RUNDC3B: variants seen among roughly 807,000 people sequenced by gnomAD.
RUNDC3B encodes RUN domain containing 3B, also known as RUN domain-containing protein 3B.
In RUNDC3B, 33 loss-of-function variants were observed where a neutral mutation model predicts 58.4. That is an observed-to-expected ratio of 0.56 (90% CI 0.43 to 0.75). The LOEUF is 0.75. Among genes scored for constraint, RUNDC3B ranks in the 30% least tolerant of loss-of-function variants. RUNDC3B has a pLI of 0.00. For synonymous variants in RUNDC3B, 193 were observed against 195.2 expected (o/e 0.99, Z 0.10); for missense variants, 501 against 535.7 (o/e 0.94, Z 0.64).
At chr7:87,723,278 A>G (rs1303547155) in intron 4 of RUNDC3B, among the ~76,000 whole-genome samples, 1 of 152,198 alleles carries the variant, frequency 6.6e-6, no homozygotes, top group Non-Finnish European at 1.5e-5. Flanking sequence ...TATAATCACA[A>G]TAGAATAAAG....
At chr7:87,698,318 T>G (rs972767666) in intron 2 of RUNDC3B, among the ~76,000 whole-genome samples, 8 of 152,050 alleles carry the variant, frequency 5.3e-5, no homozygotes, top group Non-Finnish European at 1.0e-4. Flanking sequence ...GCCAGGATGG[T>G]CTCCTGACCA....
At chr7:87,685,306 T>C (rs1264981736) in intron 2 of RUNDC3B, among the ~76,000 whole-genome samples, 1 of 152,160 alleles carries the variant, frequency 6.6e-6, no homozygotes, top group African/African-American at 2.4e-5. Flanking sequence ...TCAAAGAAGA[T>C]ACACATATGG....
intron 5 of RUNDC3B, among the ~76,000 whole-genome samples, chr7:87,740,313 CTTATG>C (rs1832242582): frequency 6.6e-6 from 1 of 151,600 alleles, no homozygotes; most frequent in Admixed American, 6.6e-5. Context: ...TCTTACGTCT[CTTATG>C]TTATGTATGG....
At chr7:87,657,547 C>T (rs1182439181) in intron 2 of RUNDC3B, among the ~76,000 whole-genome samples, 1 of 152,288 alleles carries the variant, frequency 6.6e-6, no homozygotes, top group Non-Finnish European at 1.5e-5. Flanking sequence ...GATTTCTTCC[C>T]TCTTGGCTGG....
intron 6 of RUNDC3B, among the ~76,000 whole-genome samples, chr7:87,748,282 C>T (rs1441794915): frequency 3.9e-5 from 6 of 152,136 alleles, no homozygotes; most frequent in Admixed American, 1.3e-4. Context: ...TTGGGAGAGG[C>T]GGGGTTCTCC....
At chr7:87,738,745 G>A (rs1832139629) in intron 4 of RUNDC3B, among the ~76,000 whole-genome samples, 1 of 151,802 alleles carries the variant, frequency 6.6e-6, no homozygotes, top group African/African-American at 2.4e-5. Context: ...GATTCCTTCT[G>A]CCTTTAATTT....
intron 2 of RUNDC3B, among the ~76,000 whole-genome samples, chr7:87,691,714 C>T (rs1245648789): frequency 6.6e-6 from 1 of 152,136 alleles, no homozygotes; most frequent in African/African-American, 2.4e-5. Context: ...ACATGTTTCA[C>T]TACCTCATGT....
At chr7:87,631,396 T>C (rs1000092742) in intron 1 of RUNDC3B, among the ~76,000 whole-genome samples, 3 of 152,208 alleles carry the variant, frequency 2.0e-5, no homozygotes, top group African/African-American at 7.2e-5. Context: ...TAATTTTTTA[T>C]TTATTTATTT....
At chr7:87,662,526 A>G (rs1270457942) in intron 2 of RUNDC3B, among the ~76,000 whole-genome samples, 1 of 151,988 alleles carries the variant, frequency 6.6e-6, no homozygotes. Flanking sequence ...TCCCCAATAT[A>G]CATTTTCAGA....
intron 3 of RUNDC3B, among the ~76,000 whole-genome samples, chr7:87,700,874 G>A (rs1016801249): frequency 1.3e-5 from 2 of 152,150 alleles, no homozygotes; most frequent in Non-Finnish European, 2.9e-5. Flanking sequence ...ACACAATGGT[G>A]GATAAAACTG....
At chr7:87,697,863 A>G (rs1369838703) in intron 2 of RUNDC3B, among the ~76,000 whole-genome samples, 1 of 152,174 alleles carries the variant, frequency 6.6e-6, no homozygotes, top group Non-Finnish European at 1.5e-5. Context: ...GATCTAGTTC[A>G]GGTCCACCGG....
chr7:87,628,423 G>C lies in RUNDC3B; in HGVS notation c.-401G>C, dbSNP rs879765641. 1 of 162,188 alleles carries C rather than the reference G, an allele frequency of 6.2e-6. No individual in the cohort carries two copies. The highest frequency in any genetic ancestry group is 2.0e-4 in the South Asian group (1 of 4,924). 10.0% of individuals were successfully genotyped at this position (162,188 alleles called of 1,614,324 possible). ...GCCGCTGCCTCCCGGGCTGGGGCAC[G>C]AGTGGCTGCGGAGTGTGGGTGGTTG... On this transcript the variant is annotated 5_prime_UTR_variant, in exon 1 of 11. Coordinates refer to ENST00000394654, the MANE Select transcript of RUNDC3B (RefSeq NM_001134405.2).
At position 87,628,716 on chromosome 7, in the gene RUNDC3B, A is replaced by G. The variant is rs1341958603; in HGVS notation, c.-108A>G. On this transcript the variant is annotated 5_prime_UTR_variant, in exon 1 of 11. Coordinates refer to ENST00000394654, the MANE Select transcript of RUNDC3B (RefSeq NM_001134405.2). ...TCCTCCCTCCAGGCTCCTTTCCTACATCCTTCCCGCGCCCCCACGGTTGCG... is the reference window on the plus strand; with the variant it reads ...TCCTCCCTCCAGGCTCCTTTCCTACGTCCTTCCCGCGCCCCCACGGTTGCG... 3.0e-6 allele frequency: 2 copies of G among 657,332 alleles called. No homozygotes were observed. Among genetic ancestry groups the G allele is most frequent in the African/African-American group, 1.9e-5 (1 of 53,388 alleles). 40.7% of individuals were successfully genotyped at this position (657,332 alleles called of 1,614,324 possible).
chr7:87,640,413 C>T (rs535904221), intron 1 of RUNDC3B, among the ~76,000 whole-genome samples: 141 of 151,956 alleles, frequency 9.3e-4, no homozygotes, highest in African/African-American at 3.1e-3. Context: ...TGCAGTAGTG[C>T]GATCATAGCT....
chr7:87,703,909 TTTTGG>T (rs1829335939), intron 3 of RUNDC3B, among the ~76,000 whole-genome samples: 3 of 105,390 alleles, frequency 2.8e-5, no homozygotes, highest in African/African-American at 4.0e-5. Context: ...TTTTTTTTTT[TTTTGG>T]TTTTTTTTTT....
chr7:87,637,576 A>C (rs1821906820), intron 1 of RUNDC3B, among the ~76,000 whole-genome samples: 1 of 152,122 alleles, frequency 6.6e-6, no homozygotes. Context: ...TATATGTTTA[A>C]ATATTCTAGA....
intron 7 of RUNDC3B, among the ~76,000 whole-genome samples, chr7:87,774,861 A>T (rs542888793): frequency 1.3e-5 from 2 of 152,320 alleles, no homozygotes; most frequent in South Asian, 4.1e-4. Flanking sequence ...AGCCGTGATG[A>T]TGTTGTAACA....
intron 8 of RUNDC3B, among the ~76,000 whole-genome samples, chr7:87,781,896 C>A (rs1272517431): frequency 6.6e-6 from 1 of 151,938 alleles, no homozygotes; most frequent in East Asian, 1.9e-4. Context: ...AGTATTTTAT[C>A]AAGTATCTTT....
intron 5 of RUNDC3B, among the ~76,000 whole-genome samples, chr7:87,740,747 T>A (rs1832270584): frequency 6.6e-6 from 1 of 152,198 alleles, no homozygotes; most frequent in South Asian, 2.1e-4. Flanking sequence ...TTTAATAAGC[T>A]AGTATTAGGT....
Sources: gnomAD v4.1 joint callset for allele counts (sites outside exome capture counted in the v4.1 genomes callset) on GRCh38, gnomAD v4.1.1 for gene constraint, MANE v1.5 for transcripts, NCBI Gene and HGNC (gene_info 2026-07-23, HGNC 2026-07-21) for gene names.